ZFHX3: variants seen among roughly 807,000 people sequenced by gnomAD.
ZFHX3 encodes the protein zinc finger homeobox protein 3.
A neutral mutation model predicts 279.1 loss-of-function variants in ZFHX3; 42 were observed. The observed-to-expected ratio is 0.15, with a 90% CI of 0.12 to 0.19. ZFHX3 has a LOEUF of 0.19. ZFHX3 is among the 10% of genes least tolerant of loss of function. ZFHX3 has a pLI of 1.00. For missense variants in ZFHX3, 4,981 were observed against 4,754.0 expected (o/e 1.05, Z -1.40); for synonymous variants, 2,293 against 1,957.8 (o/e 1.17, Z -4.52).
At chr16:73,046,453 G>GTCC (rs1212674342) in intron 1 of ZFHX3, among the ~76,000 whole-genome samples, 1 of 152,064 alleles carries the variant, frequency 6.6e-6, no homozygotes, top group Admixed American at 6.6e-5. Flanking sequence ...GCACTCTCGT[G>GTCC]TCCTCCTCCA....
At chr16:73,617,795 AATC>A (rs1424489767) in intron 2 of ZFHX3, among the ~76,000 whole-genome samples, 2 of 152,122 alleles carry the variant, frequency 1.3e-5, no homozygotes, top group African/African-American at 4.8e-5. Context: ...ATCTCACTCA[AATC>A]ATAAGAATTG....
At chr16:72,808,457 T>A (rs1033956996) in intron 7 of ZFHX3, among the ~76,000 whole-genome samples, 1 of 152,208 alleles carries the variant, frequency 6.6e-6, no homozygotes, top group Non-Finnish European at 1.5e-5. Context: ...CATAACTCCA[T>A]GCAAAGAGAA....
rs547292104 is a variant in ZFHX3, at chr16:73,322,651, G to A, written c.-1290-4315C>T. 8.5e-5 allele frequency among the ~76,000 whole-genome samples: 13 copies of A among 152,320 alleles called. No homozygotes were observed. The South Asian group carries it at 2.5e-3, about 29-fold the overall frequency. On this transcript the variant is annotated intron_variant, in intron 3 of 17. Transcript: ENST00000641206. ...GAAAACACTGAACTCCAAATGTGTG[G>A]TGAGAGCTATGCTGGGTGATCTAAC...
At chr16:73,820,513 C>T (rs567487730) in intron 1 of ZFHX3, among the ~76,000 whole-genome samples, 1 of 152,208 alleles carries the variant, frequency 6.6e-6, no homozygotes, top group East Asian at 1.9e-4. Flanking sequence ...ATGATAGGTT[C>T]TGGTCAACTG....
intron 4 of ZFHX3, among the ~76,000 whole-genome samples, chr16:72,855,369 TA>T (rs1251772109): frequency 3.3e-5 from 5 of 152,178 alleles, no homozygotes; most frequent in African/African-American, 1.2e-4. Flanking sequence ...ATGCATTACA[TA>T]TGAAACCACC....
chr16:72,794,946 G>A lies in ZFHX3; in HGVS notation c.7736C>T (p.Pro2579Leu), dbSNP rs2035846754. The A allele has an allele frequency of 6.2e-7, 1 of 1,614,010 alleles. No homozygotes were observed. Residue 2579 changes from proline to leucine, a missense_variant, in exon 9 of 10, where the codon CCC (proline) becomes CTC (leucine). Coordinates refer to ENST00000268489, the MANE Select transcript of ZFHX3 (RefSeq NM_006885.4). This position sits in a 1 kb window ranked among gnomAD's most constrained non-coding sequence, Gnocchi z 4.2. Reference protein sequence around the residue: ...SLDMPFMLFDPSNPLLASQLL... With the variant: ...SLDMPFMLFDLSNPLLASQLL... ...CTGGCTGGCCAGGAGTGGGTTACTG[G>A]GATCAAAGAGCATGAAAGGCATATC...
chr16:73,857,104 T>A (rs964751132), intron 1 of ZFHX3, among the ~76,000 whole-genome samples: 5 of 152,200 alleles, frequency 3.3e-5, no homozygotes, highest in African/African-American at 4.8e-5. Context: ...TCTGAGGGAT[T>A]TCCATGCTCA....
intron 1 of ZFHX3, among the ~76,000 whole-genome samples, chr16:73,045,952 C>CTTGTGGTG (rs1176367223): frequency 1.3e-5 from 2 of 152,046 alleles, no homozygotes; most frequent in African/African-American, 4.8e-5. Context: ...TTAAATAACA[C>CTTGTGGTG]TTGTGTAATT....
chr16:73,784,796 AAT>A (rs1555501447), intron 1 of ZFHX3, among the ~76,000 whole-genome samples: 119 of 131,110 alleles, frequency 9.1e-4, no homozygotes, highest in East Asian at 3.8e-3. Context: ...TAAAAAAAAA[AAT>A]ATATATATAT....
intron 1 of ZFHX3, among the ~76,000 whole-genome samples, chr16:73,798,000 G>T (rs1343077199): frequency 6.6e-6 from 1 of 151,592 alleles, no homozygotes; most frequent in Non-Finnish European, 1.5e-5. Flanking sequence ...GTAGACATGG[G>T]GTTTCACCAT....
chr16:73,429,575 C>A (rs905538710), intron 3 of ZFHX3, among the ~76,000 whole-genome samples: 2 of 152,130 alleles, frequency 1.3e-5, no homozygotes, highest in Non-Finnish European at 2.9e-5. Flanking sequence ...TCAAGTGATT[C>A]GCCTGTCCTG....
chr16:72,811,603 C>A lies in ZFHX3; in HGVS notation c.3838G>T (p.Asp1280Tyr). 1 of 1,605,108 alleles carries A rather than the reference C, an allele frequency of 6.2e-7. No homozygotes were observed. The highest frequency in any genetic ancestry group is 8.5e-7 in the Non-Finnish European group (1 of 1,174,314). Reference protein sequence around the residue: ...HLTHLHSVAPDCVEKLIMTVT... With the variant: ...HLTHLHSVAPYCVEKLIMTVT... ...GTCATAATGAGCTTCTCCACGCAGT[C>A]AGGTGCCACGCTGTGGAGGTGGGTG... The change falls in exon 7 of 10, where the codon GAC becomes TAC. Residue 1280 changes from aspartate (D) to tyrosine (Y), a missense_variant. Asp to Tyr is a radical substitution (Grantham distance 160, BLOSUM62 -3). Around this residue, in one of 7 missense-constraint regions of ZFHX3, gnomAD observed 1,751 missense variants for 1,770.0 expected, o/e 0.99. Coordinates refer to ENST00000268489, the MANE Select transcript of ZFHX3 (RefSeq NM_006885.4).
At chr16:73,535,721 T>TC (rs1406331339) in intron 2 of ZFHX3, among the ~76,000 whole-genome samples, 20 of 91,112 alleles carry the variant, frequency 2.2e-4, no homozygotes, top group African/African-American at 9.1e-4. Context: ...GTGCCCCCTA[T>TC]CTTTTTTTTT....
At chr16:73,713,191 T>C (rs1019534301) in intron 1 of ZFHX3, among the ~76,000 whole-genome samples, 1 of 152,230 alleles carries the variant, frequency 6.6e-6, no homozygotes, top group Non-Finnish European at 1.5e-5. Context: ...TTCAAAGAAC[T>C]GATTTCCTAC....
At chr16:73,129,434 T>C (rs1966633895) in intron 7 of ZFHX3, among the ~76,000 whole-genome samples, 1 of 146,618 alleles carries the variant, frequency 6.8e-6, no homozygotes, top group Admixed American at 7.2e-5. Flanking sequence ...TGATATCTAG[T>C]GTCAGTCTCT....
At chr16:73,030,003 G>C (rs757129130) in intron 1 of ZFHX3, among the ~76,000 whole-genome samples, 2 of 152,098 alleles carry the variant, frequency 1.3e-5, no homozygotes, top group African/African-American at 4.8e-5. Flanking sequence ...CAAACTCTTA[G>C]GCATGTTTTG....
chr16:73,620,527 T>C (rs144548541), intron 2 of ZFHX3, among the ~76,000 whole-genome samples: 148 of 152,308 alleles, frequency 9.7e-4, no homozygotes, highest in African/African-American at 3.4e-3. Flanking sequence ...GCATTCCTGG[T>C]TTGAATAAAT....
chr16:73,121,921 G>A (rs963648278), intron 7 of ZFHX3, among the ~76,000 whole-genome samples: 3 of 151,956 alleles, frequency 2.0e-5, no homozygotes, highest in Admixed American at 6.6e-5. Context: ...AGCCATAATT[G>A]TGGTTTTCAC....
At chr16:72,948,130 C>T (rs1300874845) in intron 3 of ZFHX3, among the ~76,000 whole-genome samples, 1 of 152,168 alleles carries the variant, frequency 6.6e-6, no homozygotes, top group African/African-American at 2.4e-5. Context: ...GAGAGCTCCC[C>T]GCCCCCTGTG....
Sources: gnomAD v4.1 joint callset for allele counts (sites outside exome capture counted in the v4.1 genomes callset) on GRCh38, gnomAD v4.1.1 for gene constraint, gnomAD v4.1.1 regional missense constraint, Gnocchi (gnomAD v3.1) non-coding constraint, MANE v1.5 for transcripts, NCBI Gene and HGNC (gene_info 2026-07-23, HGNC 2026-07-21) for gene names.